TOLLIP: variants seen among roughly 807,000 people sequenced by gnomAD.
TOLLIP encodes toll interacting protein, also known as toll-interacting protein.
Under a neutral mutation model 33.5 loss-of-function variants are expected in TOLLIP, and 16 were observed. The observed-to-expected ratio is 0.48, with a 90% CI of 0.32 to 0.72. TOLLIP has a LOEUF of 0.72. TOLLIP is among the 30% of genes least tolerant of loss of function. The pLI is 0.03. For synonymous variants in TOLLIP, 176 were observed against 163.7 expected (o/e 1.07, Z -0.57); for missense variants, 325 against 396.6 (o/e 0.82, Z 1.53).
At chr11:1,279,703 T>C (rs1205907305) in intron 5 of TOLLIP, among the ~76,000 whole-genome samples, 2 of 152,218 alleles carry the variant, frequency 1.3e-5, no homozygotes, top group Non-Finnish European at 2.9e-5. Context: ...TCTGCTGTCA[T>C]ATCTTGGCAA....
chr11:1,309,243 G>A (rs1864518611), intron 1 of TOLLIP, among the ~76,000 whole-genome samples: 1 of 152,090 alleles, frequency 6.6e-6, no homozygotes, highest in African/African-American at 2.4e-5. Flanking sequence ...GCCCCGGCAC[G>A]GCGGTGAGCT....
Position 1,275,945 on chromosome 11 carries a change from T to C in TOLLIP, c.*1094A>G, listed in dbSNP as rs953593247. On this transcript the variant is annotated 3_prime_UTR_variant, in exon 6 of 6. Coordinates refer to ENST00000317204, the MANE Select transcript of TOLLIP (RefSeq NM_019009.4). ...CAGATTATTTAAAGTGCATCACTTGTGAGAAGCTTCTCAAATTTCTGACTG... is the reference window on the plus strand; with the variant it reads ...CAGATTATTTAAAGTGCATCACTTGCGAGAAGCTTCTCAAATTTCTGACTG... 6.6e-6 allele frequency: 1 copy of C among 152,264 alleles called. No homozygotes were observed. Among genetic ancestry groups the C allele is most frequent in the African/African-American group, 2.4e-5 (1 of 41,470 alleles). The allele number at this position is 152,264 out of a possible 1,614,324, so 9.4% of individuals were successfully genotyped here.
chr11:1,291,497 T>C (rs1863941155), intron 2 of TOLLIP, among the ~76,000 whole-genome samples: 1 of 110,378 alleles, frequency 9.1e-6, no homozygotes, highest in African/African-American at 3.6e-5. Context: ...AACCCCCCTC[T>C]GAGAGTACTG....
rs1176429881 is a variant in TOLLIP, at chr11:1,303,934, T to C, written c.33+5532A>G. Among the ~76,000 whole-genome samples, 1 of 149,708 alleles carries C rather than the reference T, an allele frequency of 6.7e-6. No individual in the cohort carries two copies. Among genetic ancestry groups the C allele is most frequent in the Non-Finnish European group, 1.5e-5 (1 of 67,600 alleles). On this transcript the variant is annotated intron_variant, in intron 1 of 5. Transcript: ENST00000317204. This position sits in a 1 kb window ranked among gnomAD's most constrained non-coding sequence, Gnocchi z 4.2. ...GCCTGTAATCCCAGCTACTCGGGAGTCTGAGGCAGGAAAATCGCTTGAACC... is the reference window on the plus strand; with the variant it reads ...GCCTGTAATCCCAGCTACTCGGGAGCCTGAGGCAGGAAAATCGCTTGAACC...
intron 4 of TOLLIP, among the ~76,000 whole-genome samples, chr11:1,288,036 T>C (rs903220766): frequency 2.0e-5 from 3 of 152,122 alleles, no homozygotes; most frequent in Admixed American, 1.3e-4. Flanking sequence ...AGCCTCTAAC[T>C]GGCCCTCCTG....
chr11:1,304,893 A>G lies in TOLLIP; in HGVS notation c.33+4573T>C, dbSNP rs1204253592. Among the ~76,000 whole-genome samples the G allele has an allele frequency of 3.3e-5, 5 of 152,282 alleles. No individual in the cohort carries two copies. In the East Asian group the frequency reaches 9.6e-4, roughly 29 times the overall value. On this transcript the variant is annotated intron_variant, in intron 1 of 5. Transcript: ENST00000317204. ...GTATCCATCTAGGCATCTCTTAACT[A>G]GAAAGATGAAACTAGCGCATTCCCA...
rs544798767 is a variant in TOLLIP at position 1,283,594 on chromosome 11, A to C, written c.610+2408T>G. ...GTGCGGGGCTGTTCCAAAATTTACA[A>C]TGTCTATCAAAAGAAAATTTCAAAG... On this transcript the variant is annotated intron_variant, in intron 5 of 5. Transcript: ENST00000317204. 1.9e-3 allele frequency: 885 copies of C among 454,922 alleles called. 4 individuals carry two copies. Among genetic ancestry groups the C allele is most frequent in the Non-Finnish European group, 3.6e-3 (807 of 226,604 alleles). 28.2% of individuals were successfully genotyped at this position (454,922 alleles called of 1,614,324 possible).
chr11:1,288,135 TC>T (rs1416965885), intron 4 of TOLLIP, among the ~76,000 whole-genome samples: 1 of 152,054 alleles, frequency 6.6e-6, no homozygotes, highest in East Asian at 1.9e-4. Context: ...GGCCTCGACT[TC>T]CTGACCCTGA....
chr11:1,291,384 C>T lies in TOLLIP; in HGVS notation c.184-975G>A, dbSNP rs117500947. On this transcript the variant is annotated intron_variant, in intron 2 of 5. Transcript: ENST00000317204. Reference sequence around the variant, plus strand: ...TAGAGACCCCGGGAGCCATCCCGGCCCTCCCACCCACATGGAGCCCGCCAG... The same window carrying T: ...TAGAGACCCCGGGAGCCATCCCGGCTCTCCCACCCACATGGAGCCCGCCAG... 0.016 allele frequency among the ~76,000 whole-genome samples: 2,424 copies of T among 152,052 alleles called. 156 individuals carry two copies. In the East Asian group the frequency reaches 0.22, roughly 14 times the overall value.
chr11:1,275,747 T>A lies in TOLLIP; in HGVS notation c.*1292A>T, dbSNP rs1863276789. ...GGCACTGAAACTTAACCTATTTTTTTGAGGGAGAAAAAGACTAAAATGTAA... is the reference window on the plus strand; with the variant it reads ...GGCACTGAAACTTAACCTATTTTTTAGAGGGAGAAAAAGACTAAAATGTAA... On this transcript the variant is annotated 3_prime_UTR_variant, in exon 6 of 6. Coordinates refer to ENST00000317204, the MANE Select transcript of TOLLIP (RefSeq NM_019009.4). 1 of 152,188 alleles carries A rather than the reference T, an allele frequency of 6.6e-6. No homozygotes were observed. Among genetic ancestry groups the A allele is most frequent in the South Asian group, 2.1e-4 (1 of 4,834 alleles). The allele number at this position is 152,188 out of a possible 1,614,324, so 9.4% of individuals were successfully genotyped here.
rs905795672 is a variant in TOLLIP, at chr11:1,277,567, G to A, written c.611-314C>T. Among the ~76,000 whole-genome samples, 9 of 152,196 alleles carry A rather than the reference G, an allele frequency of 5.9e-5. No individual in the cohort carries two copies. Among genetic ancestry groups the A allele is most frequent in the Admixed American group, 2.6e-4 (4 of 15,282 alleles). Reference sequence around the variant, plus strand: ...GAGTCTGTTTTATAACTAGCAGGCTGGGGGTGGTGTTTTGATCCCTTCAGA... The same window carrying A: ...GAGTCTGTTTTATAACTAGCAGGCTAGGGGTGGTGTTTTGATCCCTTCAGA... On this transcript the variant is annotated intron_variant, in intron 5 of 5. Transcript: ENST00000317204. This position sits in a 1 kb window ranked among gnomAD's most constrained non-coding sequence, Gnocchi z 4.2.
At chr11:1,306,741 G>A (rs541675241) in intron 1 of TOLLIP, among the ~76,000 whole-genome samples, 5 of 152,028 alleles carry the variant, frequency 3.3e-5, no homozygotes, top group South Asian at 2.1e-4. Context: ...GCGCTGAGCC[G>A]GTAAACTCCA....
chr11:1,278,449 G>A lies in TOLLIP; in HGVS notation c.611-1196C>T, dbSNP rs796714153. On this transcript the variant is annotated intron_variant, in intron 5 of 5. Transcript: ENST00000317204. The surrounding 1 kb of genome is among the most constrained non-coding windows in gnomAD (Gnocchi z 4.7). ...GCAGAAGCCACTTCAATCCTGGCCT[G>A]AACCAACACCAGCAACAAGACCTGC... Among the ~76,000 whole-genome samples the A allele has an allele frequency of 1.8e-4, 27 of 152,312 alleles. No homozygotes were observed. Among genetic ancestry groups the A allele is most frequent in the African/African-American group, 6.5e-4 (27 of 41,576 alleles).
At chr11:1,306,521 T>G (rs1864427494) in intron 1 of TOLLIP, among the ~76,000 whole-genome samples, 1 of 152,080 alleles carries the variant, frequency 6.6e-6, no homozygotes, top group Non-Finnish European at 1.5e-5. Context: ...CTCCTGCCTC[T>G]CTGGCACCAC....
chr11:1,305,206 C>T (rs186752636), intron 1 of TOLLIP, among the ~76,000 whole-genome samples: 1 of 152,322 alleles, frequency 6.6e-6, no homozygotes, highest in East Asian at 1.9e-4. Context: ...GACTCACAAC[C>T]CGGCCTAAAA....
In TOLLIP at chr11:1,276,155, C is replaced by T. The variant is rs112740638; in HGVS notation, c.*884G>A. The T allele has an allele frequency of 6.5e-3, 992 of 153,160 alleles. 5 individuals are homozygous for T. Among genetic ancestry groups the T allele is most frequent in the Non-Finnish European group, 9.4e-3 (644 of 68,664 alleles). The allele number at this position is 153,160 out of a possible 1,614,324, so 9.5% of individuals were successfully genotyped here. Reference sequence around the variant, plus strand: ...CAGCAGCTCCCAAGCTGTCAGCAGTCGGCTGGCAGTGCCACCACACCCTCT... The same window carrying T: ...CAGCAGCTCCCAAGCTGTCAGCAGTTGGCTGGCAGTGCCACCACACCCTCT... On this transcript the variant is annotated 3_prime_UTR_variant, in exon 6 of 6. Coordinates refer to ENST00000317204, the MANE Select transcript of TOLLIP (RefSeq NM_019009.4).
Position 1,276,744 on chromosome 11 carries a change from C to A in TOLLIP, c.*295G>T, listed in dbSNP as rs5744019. 261 of 1,472,910 alleles carry A rather than the reference C, an allele frequency of 1.8e-4. No homozygotes were observed. In the African/African-American group the frequency reaches 3.3e-3, roughly 18 times the overall value. 91.2% of individuals were successfully genotyped at this position (1,472,910 alleles called of 1,614,324 possible). A position where few individuals can be genotyped will look rare whatever the true frequency, so the allele number is the denominator to read the frequency against. On this transcript the variant is annotated 3_prime_UTR_variant, in exon 6 of 6. Transcript: ENST00000317204. ...TGGCAGAAGCAGCTGCTCTCTACAGCAAGAGCATTTTCCAGAACGGCATGA... is the reference window on the plus strand; with the variant it reads ...TGGCAGAAGCAGCTGCTCTCTACAGAAAGAGCATTTTCCAGAACGGCATGA...
intron 2 of TOLLIP, among the ~76,000 whole-genome samples, chr11:1,293,865 A>G (rs1864026727): frequency 6.6e-6 from 1 of 152,214 alleles, no homozygotes; most frequent in Non-Finnish European, 1.5e-5. Context: ...GGCTTACGGG[A>G]GTTCACTGGG....
intron 5 of TOLLIP, 77 bp downstream of exon 5, chr11:1,285,925 G>T: frequency 2.5e-6 from 3 of 1,203,378 alleles, no homozygotes; most frequent in Non-Finnish European, 3.5e-6. Context: ...TCTAAGCCCC[G>T]TTCCCTCCTC....
Sources: gnomAD v4.1 joint callset for allele counts (sites outside exome capture counted in the v4.1 genomes callset) on GRCh38, gnomAD v4.1.1 for gene constraint, Gnocchi (gnomAD v3.1) non-coding constraint, MANE v1.5 for transcripts, NCBI Gene and HGNC (gene_info 2026-07-23, HGNC 2026-07-21) for gene names.